DOP1B: variants seen among roughly 807,000 people sequenced by gnomAD.
DOP1B encodes DOP1 leucine zipper like protein B, also known as protein DOP1B.
A neutral mutation model predicts 233.5 loss-of-function variants in DOP1B; 174 were observed. The observed-to-expected ratio is 0.75, with a 90% CI of 0.66 to 0.85. The LOEUF is 0.85. DOP1B is among the 40% of genes least tolerant of loss of function. The pLI, the probability that DOP1B is intolerant of heterozygous loss-of-function variation, is 0.00. For missense variants in DOP1B, 2,652 were observed against 2,846.6 expected, an observed-to-expected ratio of 0.93 and a Z score of 1.56; for synonymous variants, 1,190 against 1,185.6, an observed-to-expected ratio of 1.00 and a Z score of -0.08.
chr21:36,181,049 A>AT (rs2066092795), intron 2 of DOP1B, among the ~76,000 whole-genome samples: 1 of 152,012 alleles, frequency 6.6e-6, no homozygotes, highest in African/African-American at 2.4e-5. Context: ...ACTGATTTGT[A>AT]TTTTTTTCTA....
chr21:36,260,030 G>A (rs1055566529), intron 23 of DOP1B, among the ~76,000 whole-genome samples: 1 of 151,886 alleles, frequency 6.6e-6, no homozygotes, highest in Middle Eastern at 3.4e-3. Context: ...TTTTTTGGCC[G>A]GGTGCGGTGG....
intron 33 of DOP1B, 118 bp downstream of exon 33, chr21:36,288,268 G>T: frequency 9.7e-7 from 1 of 1,025,820 alleles, no homozygotes; most frequent in Non-Finnish European, 1.4e-6. Flanking sequence ...TTTTTAATCA[G>T]GTTGGTAGCA....
rs780951341 is a variant in DOP1B at position 36,231,109 on chromosome 21, C to T, written c.2325C>T (p.Leu775=). Reference sequence around the variant, plus strand: ...TGTCCGAGGAAGAGACCGAGCAGCTCTGTGCAACGCTCTTCCAGCTGCCAG... The same window carrying T: ...TGTCCGAGGAAGAGACCGAGCAGCTTTGTGCAACGCTCTTCCAGCTGCCAG... ...VYLSEEETEQ[L]CATLFQLPGA... is the part of the protein sequence containing the mutation. The change falls in exon 14 of 37, where the codon CTC becomes CTT. Residue 775 remains leucine (L), a synonymous_variant. Coordinates refer to ENST00000691173, the MANE Select transcript of DOP1B (RefSeq NM_001320714.2). 1 of 1,589,614 alleles carries T rather than the reference C, an allele frequency of 6.3e-7. No individual in the cohort carries two copies. The highest frequency in any genetic ancestry group is 8.6e-7 in the Non-Finnish European group (1 of 1,163,984).
intron 2 of DOP1B, among the ~76,000 whole-genome samples, chr21:36,175,390 C>T (rs554693613): frequency 6.6e-5 from 10 of 152,146 alleles, no homozygotes; most frequent in South Asian, 4.2e-4. Flanking sequence ...GGATTACAGG[C>T]GTGAGCCACC....
intron 9 of DOP1B, among the ~76,000 whole-genome samples, chr21:36,218,452 G>A (rs1405196539): frequency 6.6e-6 from 1 of 152,096 alleles, no homozygotes; most frequent in Non-Finnish European, 1.5e-5. Context: ...GAACCCGGGA[G>A]GCGGAGGTTG....
intron 13 of DOP1B, among the ~76,000 whole-genome samples, chr21:36,229,975 T>C (rs2066739932): frequency 6.6e-6 from 1 of 151,552 alleles, no homozygotes; most frequent in Non-Finnish European, 1.5e-5. Flanking sequence ...ATTTTATTTC[T>C]TCATACCTTT....
At chr21:36,193,712 T>C (rs2066258656) in intron 2 of DOP1B, among the ~76,000 whole-genome samples, 2 of 152,098 alleles carry the variant, frequency 1.3e-5, no homozygotes, top group South Asian at 4.1e-4. Context: ...CTGAAGGGCA[T>C]CACGGAAAAG....
chr21:36,245,050 G>T lies in DOP1B; in HGVS notation c.3070G>T (p.Asp1024Tyr). ...HCLKQENSADDLHRWFNRKKT... is the reference protein window; with the variant it reads ...HCLKQENSADYLHRWFNRKKT... ...ATTTGTCATCTTGTAATTTTCAGATGACTTGCACCGTTGGTTTAACAGGAA... is the reference window on the plus strand; with the variant it reads ...ATTTGTCATCTTGTAATTTTCAGATTACTTGCACCGTTGGTTTAACAGGAA... Residue 1024 changes from aspartate (D) to tyrosine (Y), a missense_variant and splice_region_variant, in exon 19 of 37, where the codon GAC (aspartate) becomes TAC (tyrosine). Transcript: ENST00000691173. The surrounding 1 kb of genome is among the most constrained non-coding windows in gnomAD (Gnocchi z 5.5). 2 of 1,591,948 alleles carry T rather than the reference G, an allele frequency of 1.3e-6. No individual in the cohort carries two copies. Among genetic ancestry groups the T allele is most frequent in the South Asian group, 1.1e-5 (1 of 89,964 alleles).
chr21:36,210,089 C>T (rs2066477484), intron 5 of DOP1B, among the ~76,000 whole-genome samples: 1 of 152,102 alleles, frequency 6.6e-6, no homozygotes, highest in African/African-American at 2.4e-5. Flanking sequence ...TCGTCTCAGC[C>T]CTGCTCTGGC....
At chr21:36,264,088 T>A (rs570159428) in intron 26 of DOP1B, among the ~76,000 whole-genome samples, 152 of 152,326 alleles carry the variant, frequency 1.0e-3, no homozygotes, top group African/African-American at 3.6e-3. Flanking sequence ...TGTATGCAGA[T>A]GTATGTGGAT....
intron 10 of DOP1B, among the ~76,000 whole-genome samples, chr21:36,219,976 G>A (rs1041401993): frequency 1.3e-5 from 2 of 152,026 alleles, no homozygotes; most frequent in Non-Finnish European, 2.9e-5. Flanking sequence ...GGGCACCGGA[G>A]AGCACAGGCT....
chr21:36,158,134 AAG>A (rs1036067273), intron 1 of DOP1B, among the ~76,000 whole-genome samples: 15 of 152,246 alleles, frequency 9.9e-5, no homozygotes, highest in African/African-American at 3.4e-4. Context: ...AAAATGGGTA[AAG>A]AGAGAGATTT....
At chr21:36,280,405 C>G (rs2067402291) in intron 31 of DOP1B, 59 bp downstream of exon 31, 11 of 1,255,332 alleles carry the variant, frequency 8.8e-6, no homozygotes, top group Non-Finnish European at 1.3e-5. Flanking sequence ...CCAATATAAC[C>G]AGCTTTCATC....
chr21:36,214,264 C>A, intron 8 of DOP1B, 74 bp downstream of exon 8: 1 of 1,391,546 alleles, frequency 7.2e-7, no homozygotes, highest in Non-Finnish European at 1.0e-6. Flanking sequence ...GGGAGGCTTC[C>A]ACATAGGCAG....
intron 11 of DOP1B, 31 bp from the exon 12 acceptor site, chr21:36,225,534 G>T (rs1280842529): frequency 6.2e-7 from 1 of 1,613,146 alleles, no homozygotes. Context: ...CCTGGCCAAA[G>T]AATGGATTTT....
At chr21:36,249,828 T>C (rs2067012732) in intron 21 of DOP1B, among the ~76,000 whole-genome samples, 1 of 152,164 alleles carries the variant, frequency 6.6e-6, no homozygotes, top group Non-Finnish European at 1.5e-5. Flanking sequence ...TGCATTTAGG[T>C]ACCACGGTGC....
chr21:36,271,619 T>C lies in DOP1B; in HGVS notation c.5632+1462T>C, dbSNP rs116142499. ...AGCCAGATGACTGAACTGTCTGTTT[T>C]GACTTTTTACAACATACTATGTGTG... is the stretch of plus-strand genomic sequence containing the variant. On this transcript the variant is annotated intron_variant, in intron 27 of 36. Coordinates refer to ENST00000691173, the MANE Select transcript of DOP1B (RefSeq NM_001320714.2). Among the ~76,000 whole-genome samples the C allele has an allele frequency of 4.8e-3, 731 of 152,146 alleles. 18 individuals carry two copies. Among genetic ancestry groups the C allele is most frequent in the African/African-American group, 0.017 (700 of 41,414 alleles).
In DOP1B at chr21:36,212,081, G is replaced by A. The variant is rs1478370699; in HGVS notation, c.888G>A (p.Leu296=). Residue 296 remains leucine (L), a synonymous_variant, in exon 7 of 37, where the codon CTG becomes CTA. Transcript: ENST00000691173. ...LRRDMSLNRR[L]YAWLLGSDIK... is the part of the protein sequence containing the mutation. ...GGGACATGTCCCTGAACAGAAGACT[G>A]TATGCATGGTTACTAGGTACTGAGC... 6.2e-7 allele frequency: 1 copy of A among 1,610,800 alleles called. No homozygotes were observed. Among genetic ancestry groups the A allele is most frequent in the Non-Finnish European group, 8.5e-7 (1 of 1,178,986 alleles).
chr21:36,221,702 A>G (rs1000229777), intron 10 of DOP1B, among the ~76,000 whole-genome samples: 2 of 151,878 alleles, frequency 1.3e-5, no homozygotes, highest in African/African-American at 4.8e-5. Context: ...CAGCCTCCTG[A>G]GTAGCTAGGA....
Sources: gnomAD v4.1 joint callset for allele counts (sites outside exome capture counted in the v4.1 genomes callset) on GRCh38, gnomAD v4.1.1 for gene constraint, Gnocchi (gnomAD v3.1) non-coding constraint, MANE v1.5 for transcripts, NCBI Gene and HGNC (gene_info 2026-07-23, HGNC 2026-07-21) for gene names.